SNX30: variants seen among roughly 807,000 people sequenced by gnomAD.
SNX30 encodes sorting nexin family member 30.
A neutral mutation model predicts 46.4 loss-of-function variants in SNX30; 24 were observed. The observed-to-expected ratio is 0.52, with a 90% CI of 0.37 to 0.73. SNX30 has a LOEUF of 0.73. SNX30 is among the 30% of genes least tolerant of loss of function. The pLI, the probability that SNX30 is intolerant of heterozygous loss-of-function variation, is 0.00. For synonymous variants in SNX30, 189 were observed against 211.5 expected (o/e 0.89, Z 0.92); for missense variants, 533 against 555.7 (o/e 0.96, Z 0.41).
chr9:112,760,492 G>C (rs1271245321), intron 1 of SNX30, among the ~76,000 whole-genome samples: 1 of 152,182 alleles, frequency 6.6e-6, no homozygotes, highest in African/African-American at 2.4e-5. Flanking sequence ...TGAGATGGAT[G>C]ATGGGGGAAA....
chr9:112,789,201 C>T (rs1213880824), intron 1 of SNX30, among the ~76,000 whole-genome samples: 1 of 152,156 alleles, frequency 6.6e-6, no homozygotes, highest in African/African-American at 2.4e-5. Flanking sequence ...TTGAGTCCTC[C>T]AGGTGGCATG....
At chr9:112,785,283 A>G (rs1839904506) in intron 1 of SNX30, among the ~76,000 whole-genome samples, 1 of 151,532 alleles carries the variant, frequency 6.6e-6, no homozygotes, top group African/African-American at 2.4e-5. Flanking sequence ...TAGTGTGATC[A>G]CAGCTCCCTG....
At chr9:112,758,013 C>T (rs888454536) in intron 1 of SNX30, among the ~76,000 whole-genome samples, 2 of 152,120 alleles carry the variant, frequency 1.3e-5, no homozygotes, top group African/African-American at 4.8e-5. Context: ...CTTTTCTCTG[C>T]TCCTCATACC....
At chr9:112,865,651 A>ATGTGTGTGTGTGTGTGTGTGTGTGTG (rs1170776453) in intron 8 of SNX30, among the ~76,000 whole-genome samples, 2 of 86,148 alleles carry the variant, frequency 2.3e-5, no homozygotes, top group Admixed American at 1.1e-4. Context: ...ATATATATAT[A>ATGTGTGTGTGTGTGTGTGTGTGTGTG]TATATATATA....
At chr9:112,805,008 C>T (rs568996252) in intron 2 of SNX30, 41 bp downstream of exon 2, 30 of 1,494,392 alleles carry the variant, frequency 2.0e-5, no homozygotes, top group Admixed American at 5.9e-5. Context: ...TGAGTGGTCT[C>T]GGGGAATTGG....
chr9:112,838,927 G>C (rs774219632), intron 6 of SNX30, among the ~76,000 whole-genome samples: 1 of 152,108 alleles, frequency 6.6e-6, no homozygotes, highest in Non-Finnish European at 1.5e-5. Context: ...TGGTTTCTCT[G>C]AGAGTTCAAG....
intron 1 of SNX30, among the ~76,000 whole-genome samples, chr9:112,768,898 G>A (rs535745082): frequency 2.1e-4 from 32 of 151,934 alleles, no homozygotes; most frequent in South Asian, 1.7e-3. Context: ...CTCGTGATCC[G>A]CCCACTTCAG....
intron 1 of SNX30, among the ~76,000 whole-genome samples, chr9:112,804,102 C>T (rs1371473774): frequency 2.6e-5 from 4 of 151,122 alleles, no homozygotes; most frequent in East Asian, 1.9e-4. Context: ...TCTTCTGCGT[C>T]GCTCACGCTG....
chr9:112,837,750 C>T (rs1258282422), intron 5 of SNX30, among the ~76,000 whole-genome samples: 1 of 151,890 alleles, frequency 6.6e-6, no homozygotes, highest in African/African-American at 2.4e-5. Flanking sequence ...GCTGGGATTA[C>T]AGGTGTGAGC....
intron 3 of SNX30, among the ~76,000 whole-genome samples, chr9:112,821,332 G>C (rs1193185852): frequency 1.3e-5 from 2 of 151,994 alleles, no homozygotes; most frequent in Non-Finnish European, 2.9e-5. Context: ...TATCAATTAA[G>C]ATCCATTGCC....
chr9:112,775,781 CT>C (rs35535657), intron 1 of SNX30, among the ~76,000 whole-genome samples: 9,411 of 122,338 alleles, frequency 0.077, 359 homozygotes, highest in Non-Finnish European at 0.11. Context: ...TATGTGTAGT[CT>C]TTTTTTTTTT....
At chr9:112,838,790 A>T in intron 6 of SNX30, 93 bp downstream of exon 6, 1 of 1,255,794 alleles carries the variant, frequency 8.0e-7, no homozygotes, top group Non-Finnish European at 1.1e-6. Flanking sequence ...CATGTGATAT[A>T]AGTTTCCTTC....
chr9:112,866,971 C>T (rs1226676596), intron 8 of SNX30, among the ~76,000 whole-genome samples: 2 of 147,346 alleles, frequency 1.4e-5, no homozygotes, highest in African/African-American at 5.0e-5. Context: ...AGAACTCCTC[C>T]TCCTTCCTCA....
intron 7 of SNX30, among the ~76,000 whole-genome samples, chr9:112,857,364 CT>C (rs1841150825): frequency 6.6e-6 from 1 of 152,152 alleles, no homozygotes; most frequent in Admixed American, 6.5e-5. Flanking sequence ...GTTTTCTTAC[CT>C]GTTTTCACCT....
Position 112,754,370 on chromosome 9 carries a change from G to A in SNX30, c.156+3213G>A, listed in dbSNP as rs190562187. 1.8e-4 allele frequency among the ~76,000 whole-genome samples: 27 copies of A among 150,378 alleles called. 1 individual carries two copies. Among genetic ancestry groups the A allele is most frequent in the Admixed American group, 1.6e-3 (24 of 15,124 alleles). ...CTTTCTATCTACCAGAGGTTGCCAG[G>A]ACTAATTCTTTTGATGCCTGCTAAA... On this transcript the variant is annotated intron_variant, in intron 1 of 8. Coordinates refer to ENST00000374232, the MANE Select transcript of SNX30 (RefSeq NM_001012994.2).
intron 7 of SNX30, among the ~76,000 whole-genome samples, chr9:112,857,293 G>C (rs1363649818): frequency 6.6e-6 from 1 of 152,176 alleles, no homozygotes; most frequent in African/African-American, 2.4e-5. Flanking sequence ...CATTCAGAGA[G>C]CCACTGACTT....
At chr9:112,878,304 C>T (rs935786496), downstream of SNX30, 5 of 152,254 alleles carry the variant, frequency 3.3e-5, no homozygotes, top group African/African-American at 4.8e-5. Flanking sequence ...CTTGTCCTTC[C>T]GTCTGCTGCC....
intron 3 of SNX30, 127 bp from the exon 4 acceptor site, chr9:112,830,598 T>TGAAGATCTGCCTGATTAAGA (rs1336599851): frequency 1.0e-5 from 8 of 798,852 alleles, no homozygotes; most frequent in Admixed American, 3.1e-5. Context: ...AATGACTACA[T>TGAAGATCTGCCTGATTAAGA]GAAGATCTGC....
At chr9:112,812,915 G>A (rs936543782) in intron 2 of SNX30, among the ~76,000 whole-genome samples, 1 of 152,180 alleles carries the variant, frequency 6.6e-6, no homozygotes, top group African/African-American at 2.4e-5. Context: ...GGGAAGCTGA[G>A]GTGGGTGGAT....
Sources: allele counts gnomAD v4.1 joint callset (sites outside exome capture counted in the v4.1 genomes callset), GRCh38; gene constraint gnomAD v4.1.1; transcripts MANE v1.5; gene names NCBI Gene and HGNC (gene_info 2026-07-23, HGNC 2026-07-21).